GNAL: variants seen among roughly 807,000 people sequenced by gnomAD.
GNAL encodes G protein subunit alpha L.
In GNAL, 18 loss-of-function variants were observed where a neutral mutation model predicts 55.1. The observed-to-expected ratio is 0.33, with a 90% CI of 0.23 to 0.48. The LOEUF is 0.48. GNAL is among the 20% of genes least tolerant of loss of function. The pLI is 0.99. For synonymous variants in GNAL, 253 were observed against 237.0 expected, an observed-to-expected ratio of 1.07 and a Z score of -0.62; for missense variants, 412 against 614.1, an observed-to-expected ratio of 0.67 and a Z score of 3.48.
intron 4 of GNAL, among the ~76,000 whole-genome samples, chr18:11,802,447 A>C (rs943953479): frequency 6.6e-6 from 1 of 151,996 alleles, no homozygotes; most frequent in African/African-American, 2.4e-5. Flanking sequence ...GTACTTCTTG[A>C]TTTCGAAACA....
In GNAL at chr18:11,746,883, C is replaced by G. The variant is rs535339845; in HGVS notation, c.377-5970C>G. The G allele has an allele frequency of 1.3e-5, 7 of 539,262 alleles. No individual in the cohort carries two copies. The African/African-American group carries it at 1.3e-4, about 10-fold the overall frequency. The allele number at this position is 539,262 out of a possible 1,614,324, so 33.4% of individuals were successfully genotyped here. A position where few individuals can be genotyped will look rare whatever the true frequency, so the allele number is the denominator to read the frequency against. ...ACCCTCTTGAACTCTGAGGAAGGCA[C>G]TCAGGCTCTGGATGAAGTCATATTT... On this transcript the variant is annotated intron_variant, in intron 1 of 11. Transcript: ENST00000334049.
chr18:11,803,565 G>A (rs183958728), intron 4 of GNAL, among the ~76,000 whole-genome samples: 1 of 152,356 alleles, frequency 6.6e-6, no homozygotes, highest in Non-Finnish European at 1.5e-5. Context: ...ATTTAAAGAG[G>A]ACAAGTGCAA....
chr18:11,771,095 G>T (rs1203365824), intron 4 of GNAL, among the ~76,000 whole-genome samples: 6 of 151,846 alleles, frequency 4.0e-5, no homozygotes, highest in African/African-American at 1.5e-4. Context: ...GCAGGCCTCT[G>T]TAATCCCAGC....
intron 4 of GNAL, among the ~76,000 whole-genome samples, chr18:11,798,567 T>TA (rs2034446408): frequency 6.6e-6 from 1 of 152,108 alleles, no homozygotes; most frequent in African/African-American, 2.4e-5. Context: ...TACCTTTATT[T>TA]AAAAAAAGCA....
chr18:11,722,685 C>G (rs10163614), intron 1 of GNAL, among the ~76,000 whole-genome samples: 1,969 of 152,102 alleles, frequency 0.013, 39 homozygotes, highest in African/African-American at 0.045. Context: ...GACCAGCCTA[C>G]CCAACATGAT....
rs894149714 is a variant in GNAL, at chr18:11,872,261, T to C, written c.1032-7T>C. On this transcript the variant is annotated splice_region_variant and splice_polypyrimidine_tract_variant and intron_variant, in intron 9 of 11. Coordinates refer to ENST00000334049, the MANE Select transcript of GNAL (RefSeq NM_182978.4). ...TGAAATTTGTATGTTTATTTTTCCT[T>C]TTTTAGGTGGTTACGGACCATTTCT... The C allele has an allele frequency of 9.6e-6, 15 of 1,569,050 alleles. No homozygotes were observed. Among genetic ancestry groups the C allele is most frequent in the African/African-American group, 1.4e-5 (1 of 72,148 alleles).
chr18:11,849,979 C>CT (rs2035821190), intron 5 of GNAL, among the ~76,000 whole-genome samples: 1 of 152,304 alleles, frequency 6.6e-6, no homozygotes, highest in East Asian at 1.9e-4. Context: ...GCAATGTGCC[C>CT]TGTAGTATGG....
chr18:11,753,611 A>G lies in GNAL; in HGVS notation c.450-17A>G. ...CTAAGAGTAAATTAAGCTAATAACA[A>G]CTCTCTTTCAATACAGGGAAAAGAA... On this transcript the variant is annotated splice_polypyrimidine_tract_variant and intron_variant, in intron 2 of 11. Coordinates refer to ENST00000334049, the MANE Select transcript of GNAL (RefSeq NM_182978.4). The G allele has an allele frequency of 6.7e-7, 1 of 1,500,246 alleles. No homozygotes were observed. The highest frequency in any genetic ancestry group is 1.1e-5 in the South Asian group (1 of 88,384). The allele number at this position is 1,500,246 out of a possible 1,614,324, so 92.9% of individuals were successfully genotyped here.
At chr18:11,755,571 A>G (rs1450606620) in intron 4 of GNAL, among the ~76,000 whole-genome samples, 4 of 152,152 alleles carry the variant, frequency 2.6e-5, no homozygotes, top group Non-Finnish European at 5.9e-5. Context: ...CACCGTGCCC[A>G]GCCAAGAATA....
chr18:11,821,835 T>A (rs940457859), intron 4 of GNAL, among the ~76,000 whole-genome samples: 1 of 152,182 alleles, frequency 6.6e-6, no homozygotes, highest in African/African-American at 2.4e-5. Flanking sequence ...GTCCTCCCTT[T>A]CCAGCTCACC....
chr18:11,758,067 G>A (rs2033118788), intron 4 of GNAL, among the ~76,000 whole-genome samples: 1 of 152,134 alleles, frequency 6.6e-6, no homozygotes, highest in Non-Finnish European at 1.5e-5. Context: ...TGAATGAAAA[G>A]GGCTGGAATC....
intron 5 of GNAL, chr18:11,857,607 G>A (rs943146960): frequency 1.3e-5 from 13 of 985,234 alleles, no homozygotes; most frequent in Middle Eastern, 1.0e-3. Flanking sequence ...AGAGGAACAC[G>A]CTCTTGGATG....
chr18:11,696,827 A>G (rs893045077), intron 1 of GNAL, among the ~76,000 whole-genome samples: 19 of 152,302 alleles, frequency 1.2e-4, no homozygotes, highest in Middle Eastern at 3.4e-3. Context: ...TCACTGGAAT[A>G]TATGACCATT....
At chr18:11,879,694 T>TAAC (rs2036616624) in intron 11 of GNAL, among the ~76,000 whole-genome samples, 2 of 152,222 alleles carry the variant, frequency 1.3e-5, no homozygotes, top group Non-Finnish European at 2.9e-5. Flanking sequence ...AATTTGGCCC[T>TAAC]AACAGCCTGT....
intron 4 of GNAL, among the ~76,000 whole-genome samples, chr18:11,776,193 G>T (rs555224454): frequency 4.7e-4 from 71 of 152,228 alleles, no homozygotes; most frequent in African/African-American, 1.6e-3. Flanking sequence ...TTTTAATTCA[G>T]TTGCCCATGC....
chr18:11,733,407 G>A (rs2032386726), intron 1 of GNAL, among the ~76,000 whole-genome samples: 1 of 152,210 alleles, frequency 6.6e-6, no homozygotes, highest in South Asian at 2.1e-4. Context: ...AGTGAGGCTG[G>A]GGGGCTTGCT....
In GNAL at chr18:11,752,462, C is replaced by A; in HGVS notation, c.377-391C>A. ...GGGTGTTTGGGCGGCAACAGCAAGACGACGGAAGACCAGGGCGTCGATGAA... is the reference window on the plus strand; with the variant it reads ...GGGTGTTTGGGCGGCAACAGCAAGAAGACGGAAGACCAGGGCGTCGATGAA... On this transcript the variant is annotated intron_variant, in intron 1 of 11. Transcript: ENST00000334049. The surrounding 1 kb of genome is among the most constrained non-coding windows in gnomAD (Gnocchi z 4.5). The A allele has an allele frequency of 6.2e-7, 1 of 1,611,508 alleles. No homozygotes were observed. Among genetic ancestry groups the A allele is most frequent in the Non-Finnish European group, 8.5e-7 (1 of 1,178,986 alleles).
intron 1 of GNAL, among the ~76,000 whole-genome samples, chr18:11,740,200 C>G (rs9948431): frequency 0.033 from 5,056 of 152,172 alleles, 287 homozygotes; most frequent in African/African-American, 0.12. Context: ...CATCATCCCA[C>G]ATTTGGCCAA....
chr18:11,754,629 T>C (rs902162683), intron 4 of GNAL, among the ~76,000 whole-genome samples: 1 of 152,198 alleles, frequency 6.6e-6, no homozygotes, highest in Non-Finnish European at 1.5e-5. Context: ...GGTAGGTAAT[T>C]GCTTCCATGG....
Sources: gnomAD v4.1 joint callset for allele counts (sites outside exome capture counted in the v4.1 genomes callset) on GRCh38, gnomAD v4.1.1 for gene constraint, Gnocchi (gnomAD v3.1) non-coding constraint, MANE v1.5 for transcripts, NCBI Gene and HGNC (gene_info 2026-07-23, HGNC 2026-07-21) for gene names.